Variants in KCNAB1 observed in about 807,000 individuals in gnomAD.
KCNAB1 encodes the protein voltage-gated potassium channel subunit beta-1.
In KCNAB1, 35 loss-of-function variants were observed where a neutral mutation model predicts 64.6. The ratio of observed to expected loss-of-function variants is 0.54; its 90% CI spans 0.41 to 0.72. The LOEUF is 0.72. Ranked by LOEUF, KCNAB1 falls within the 30% of genes least tolerant of loss-of-function variation. The pLI is 0.00. For missense variants in KCNAB1, 401 were observed against 512.9 expected (o/e 0.78, Z 2.11); for synonymous variants, 177 against 183.8 (o/e 0.96, Z 0.30).
intron 1 of KCNAB1, among the ~76,000 whole-genome samples, chr3:156,278,939 T>A (rs1719519819): frequency 6.8e-6 from 1 of 147,820 alleles, no homozygotes; most frequent in South Asian, 2.1e-4. Flanking sequence ...GAATACTTTA[T>A]TTTATTTTTT....
chr3:156,354,718 C>T (rs1229866473), intron 1 of KCNAB1, among the ~76,000 whole-genome samples: 1 of 112,720 alleles, frequency 8.9e-6, no homozygotes, highest in African/African-American at 4.8e-5. Flanking sequence ...AGTGTATCTC[C>T]CCTCCAAAAA....
At chr3:156,221,243 A>G (rs1054482720) in intron 1 of KCNAB1, among the ~76,000 whole-genome samples, 3 of 152,180 alleles carry the variant, frequency 2.0e-5, no homozygotes, top group Non-Finnish European at 4.4e-5. Context: ...GTTTTTTCCA[A>G]TTTTGTGAAG....
upstream of KCNAB1, among the ~76,000 whole-genome samples, chr3:156,118,820 G>A (rs539148718): frequency 1.3e-5 from 2 of 152,298 alleles, no homozygotes; most frequent in Non-Finnish European, 1.5e-5. Flanking sequence ...TTAAACTGGG[G>A]TGATTATCTC....
At chr3:156,126,771 A>G (rs997464773) in intron 1 of KCNAB1, among the ~76,000 whole-genome samples, 3 of 152,032 alleles carry the variant, frequency 2.0e-5, no homozygotes, top group African/African-American at 7.3e-5. Flanking sequence ...TAGTCTTCTC[A>G]GCTATAAAAA....
chr3:156,407,001 C>T (rs565833791), intron 1 of KCNAB1, among the ~76,000 whole-genome samples: 1 of 152,312 alleles, frequency 6.6e-6, no homozygotes, highest in Admixed American at 6.5e-5. Context: ...TTCTAAAAGT[C>T]CTCCAGCAAA....
intron 8 of KCNAB1, among the ~76,000 whole-genome samples, 184 bp downstream of exon 8, chr3:156,475,004 GTCT>G (rs1464888864): frequency 3.3e-5 from 5 of 152,148 alleles, no homozygotes; most frequent in African/African-American, 4.8e-5. Context: ...TGCGTGCTGC[GTCT>G]TCTTCTTTTA....
At chr3:156,349,918 T>G (rs1246395851) in intron 1 of KCNAB1, among the ~76,000 whole-genome samples, 3 of 152,198 alleles carry the variant, frequency 2.0e-5, no homozygotes, top group Non-Finnish European at 2.9e-5. Context: ...CCCTCTTTAA[T>G]TCCTTTTTCT....
chr3:156,424,195 T>G (rs1405018519), intron 2 of KCNAB1, among the ~76,000 whole-genome samples: 1 of 152,000 alleles, frequency 6.6e-6, no homozygotes, highest in Non-Finnish European at 1.5e-5. Flanking sequence ...CAGTGAGAAG[T>G]GAGCTAAAAT....
At chr3:156,123,330 C>G (rs931789099) in intron 1 of KCNAB1, among the ~76,000 whole-genome samples, 3 of 152,220 alleles carry the variant, frequency 2.0e-5, no homozygotes, top group African/African-American at 7.2e-5. Context: ...CTAGCGAACT[C>G]AAACTTGTTT....
intron 1 of KCNAB1, among the ~76,000 whole-genome samples, chr3:156,152,957 G>A (rs1053203459): frequency 1.7e-4 from 26 of 152,060 alleles, no homozygotes; most frequent in Admixed American, 1.6e-3. Flanking sequence ...TCCTTTTGGC[G>A]CACTTATTTG....
intron 1 of KCNAB1, among the ~76,000 whole-genome samples, chr3:156,382,918 T>C (rs139477617): frequency 6.6e-6 from 1 of 152,382 alleles, no homozygotes; most frequent in Non-Finnish European, 1.5e-5. Context: ...TAGCTTAGAC[T>C]GACTGATAAC....
chr3:156,490,250 T>G (rs912123807), intron 8 of KCNAB1, among the ~76,000 whole-genome samples: 3 of 152,124 alleles, frequency 2.0e-5, no homozygotes, highest in African/African-American at 7.2e-5. Flanking sequence ...TTCTAACAGA[T>G]ATTGACATTG....
At chr3:156,142,444 G>C (rs995909384) in intron 1 of KCNAB1, among the ~76,000 whole-genome samples, 1 of 152,154 alleles carries the variant, frequency 6.6e-6, no homozygotes, top group Non-Finnish European at 1.5e-5. Flanking sequence ...TGAGGTTTAG[G>C]TCAATGGTTC....
intron 1 of KCNAB1, chr3:156,176,475 T>C: frequency 1.3e-6 from 1 of 789,524 alleles, no homozygotes; most frequent in South Asian, 1.3e-5. Flanking sequence ...TTTAGCGTTT[T>C]AACCCTCTTG....
intron 1 of KCNAB1, among the ~76,000 whole-genome samples, chr3:156,386,381 G>C (rs1379422506): frequency 1.3e-5 from 2 of 152,132 alleles, no homozygotes; most frequent in Non-Finnish European, 2.9e-5. Flanking sequence ...CCCATCTGAG[G>C]CTTTCTTCCC....
chr3:156,444,599 C>T (rs929009322), intron 2 of KCNAB1, among the ~76,000 whole-genome samples: 2 of 152,158 alleles, frequency 1.3e-5, no homozygotes, highest in South Asian at 2.1e-4. Context: ...TAGGCCTCAC[C>T]AGCAAGAGGG....
At chr3:156,331,442 A>G (rs1723323597) in intron 1 of KCNAB1, among the ~76,000 whole-genome samples, 1 of 152,212 alleles carries the variant, frequency 6.6e-6, no homozygotes. Context: ...AATGAGTAAA[A>G]TAAAAACAAA....
At chr3:156,408,408 C>G (rs1714404335) in intron 1 of KCNAB1, among the ~76,000 whole-genome samples, 1 of 152,230 alleles carries the variant, frequency 6.6e-6, no homozygotes, top group Non-Finnish European at 1.5e-5. Flanking sequence ...CAGCCTCTGT[C>G]TCTCTTGTGG....
At chr3:156,249,915 A>G (rs183760327) in intron 1 of KCNAB1, among the ~76,000 whole-genome samples, 114 of 152,356 alleles carry the variant, frequency 7.5e-4, no homozygotes, top group Non-Finnish European at 1.3e-3. Context: ...AAGATGAGCC[A>G]AAAACTGACC....
Sources: gnomAD v4.1 joint callset for allele counts (sites outside exome capture counted in the v4.1 genomes callset) on GRCh38, gnomAD v4.1.1 for gene constraint, MANE v1.5 for transcripts, NCBI Gene and HGNC (gene_info 2026-07-23, HGNC 2026-07-21) for gene names.